UNC13C: variants seen among roughly 807,000 people sequenced by gnomAD.
UNC13C encodes unc-13 homolog C, also known as protein unc-13 homolog C.
A neutral mutation model predicts 245.4 loss-of-function variants in UNC13C; 174 were observed. The observed-to-expected ratio is 0.71, with a 90% CI of 0.63 to 0.80. The LOEUF is 0.80. Ranked by LOEUF, UNC13C falls within the 30% of genes least tolerant of loss-of-function variation. The pLI is 0.00. For synonymous variants in UNC13C, 992 were observed against 895.1 expected (o/e 1.11, Z -1.93); for missense variants, 2,829 against 2,602.9 (o/e 1.09, Z -1.89).
intron 14 of UNC13C, among the ~76,000 whole-genome samples, chr15:54,326,678 G>A (rs1050248238): frequency 1.3e-5 from 2 of 152,004 alleles, no homozygotes; most frequent in Admixed American, 1.3e-4. Flanking sequence ...GTGGAAGAGA[G>A]AAAACAGGCA....
chr15:54,111,151 C>G (rs920442638), intron 2 of UNC13C, among the ~76,000 whole-genome samples: 24 of 152,184 alleles, frequency 1.6e-4, no homozygotes, highest in African/African-American at 5.8e-4. Context: ...TGACTTTACT[C>G]TTGGAGAAAC....
chr15:54,268,140 AT>A (rs970111015), intron 10 of UNC13C, among the ~76,000 whole-genome samples: 71 of 147,142 alleles, frequency 4.8e-4, no homozygotes, highest in African/African-American at 1.0e-3. Flanking sequence ...ACTTTACTTA[AT>A]TTTTTTTTTC....
the UNC13C span, among the ~76,000 whole-genome samples, chr15:53,965,539 CTTATTTAT>C: frequency 0.15 from 21,034 of 144,630 alleles, 2,318 homozygotes; most frequent in African/African-American, 0.31. Flanking sequence ...TTTTTTTTCC[CTTATTTAT>C]TTATTTATTT....
intron 19 of UNC13C, among the ~76,000 whole-genome samples, chr15:54,447,133 T>G (rs7183106): frequency 0.4 from 60,912 of 151,964 alleles, 12,484 homozygotes; most frequent in East Asian, 0.63. Flanking sequence ...GCATCCCAGG[T>G]ATGAAGCCCA....
intron 10 of UNC13C, among the ~76,000 whole-genome samples, chr15:54,271,254 C>T (rs2036680837): frequency 6.6e-6 from 1 of 152,014 alleles, no homozygotes; most frequent in Admixed American, 6.6e-5. Flanking sequence ...TAAAATATCA[C>T]GTGAAGATTA....
intron 30 of UNC13C, among the ~76,000 whole-genome samples, chr15:54,605,647 T>C (rs1248347028): frequency 6.6e-6 from 1 of 152,144 alleles, no homozygotes; most frequent in Non-Finnish European, 1.5e-5. Context: ...GGGTGAGGAA[T>C]CATCCTAACC....
In UNC13C at chr15:54,013,358, G is replaced by A. The variant is rs748652266; in HGVS notation, c.455G>A (p.Arg152His). 2.0e-5 allele frequency: 32 copies of A among 1,613,714 alleles called. No individual in the cohort carries two copies. Among genetic ancestry groups the A allele is most frequent in the Admixed American group, 3.3e-5 (2 of 59,928 alleles). The change falls in exon 2 of 33, where the codon CGC (arginine) becomes CAC (histidine). Residue 152 changes from arginine to histidine, a missense_variant. Coordinates refer to ENST00000260323, the MANE Select transcript of UNC13C (RefSeq NM_001080534.3). The part of the protein sequence containing the change: ...AQSTHTMPVR[R>H]NRKSSSSLAP... Reference sequence around the variant, plus strand: ...TCAACACACACAATGCCAGTTAGACGCAACAGAAAGAGTTCAAGCAGCCTT... The same window carrying A: ...TCAACACACACAATGCCAGTTAGACACAACAGAAAGAGTTCAAGCAGCCTT...
intron 20 of UNC13C, among the ~76,000 whole-genome samples, chr15:54,495,296 G>T: frequency 6.6e-6 from 1 of 152,020 alleles, no homozygotes; most frequent in East Asian, 1.9e-4. Flanking sequence ...TCCAAGTGCT[G>T]TAGAGCAATA....
intron 18 of UNC13C, among the ~76,000 whole-genome samples, chr15:54,405,035 T>A (rs1276368450): frequency 6.6e-6 from 1 of 152,188 alleles, no homozygotes; most frequent in East Asian, 1.9e-4. Context: ...AATATTTTCC[T>A]GTCTGTCTCA....
chr15:54,411,865 A>C (rs2140945865), intron 18 of UNC13C, among the ~76,000 whole-genome samples: 1 of 152,290 alleles, frequency 6.6e-6, no homozygotes, highest in Admixed American at 6.5e-5. Context: ...ATTGCATTGA[A>C]TCTATGAATC....
chr15:54,221,937 G>T (rs1181103506), intron 4 of UNC13C, among the ~76,000 whole-genome samples: 1 of 151,880 alleles, frequency 6.6e-6, no homozygotes, highest in Non-Finnish European at 1.5e-5. Context: ...AGTTTTTTGG[G>T]AATTTTTGTT....
chr15:54,131,553 C>G (rs1444032423), intron 2 of UNC13C, among the ~76,000 whole-genome samples: 1 of 152,148 alleles, frequency 6.6e-6, no homozygotes, highest in Non-Finnish European at 1.5e-5. Context: ...CTTTGTCCTT[C>G]CCAGGACGTG....
intron 7 of UNC13C, 73 bp from the exon 8 acceptor site, chr15:54,250,152 G>A: frequency 7.2e-7 from 1 of 1,394,384 alleles, no homozygotes; most frequent in Non-Finnish European, 1.0e-6. Context: ...GTGATAAAAT[G>A]GTTTGTTTTA....
chr15:54,280,665 C>CATATATAAACATATATGTATGTAT (rs1266859759), intron 10 of UNC13C, among the ~76,000 whole-genome samples: 73 of 140,840 alleles, frequency 5.2e-4, no homozygotes, highest in South Asian at 1.8e-3. Flanking sequence ...TATGTATATA[C>CATATATAAACATATATGTATGTAT]ATACATATAC....
chr15:54,511,759 A>G lies in UNC13C; in HGVS notation c.5386A>G (p.Ile1796Val). The change falls in exon 24 of 33, where the codon ATC becomes GTC. Residue 1796 changes from isoleucine to valine, a missense_variant. Ile to Val is a conservative substitution (Grantham distance 29). Coordinates refer to ENST00000260323, the MANE Select transcript of UNC13C (RefSeq NM_001080534.3). ...SHCDKENVPC[I>V]LMNNIQQLRV... ...TTTTTTTCTATATTTAAAGCCCTGT[A>G]TCTTGATGAACAATATTCAACAATT... The G allele has an allele frequency of 4.4e-6, 7 of 1,605,844 alleles. No individual in the cohort carries two copies. Among genetic ancestry groups the G allele is most frequent in the Non-Finnish European group, 6.0e-6 (7 of 1,175,688 alleles).
At chr15:54,490,967 C>T (rs1893674808) in intron 19 of UNC13C, among the ~76,000 whole-genome samples, 1 of 152,120 alleles carries the variant, frequency 6.6e-6, no homozygotes, top group Non-Finnish European at 1.5e-5. Context: ...TCCAGGAGAC[C>T]ACAACATCCT....
intron 13 of UNC13C, among the ~76,000 whole-genome samples, chr15:54,313,670 A>G (rs2037932478): frequency 6.6e-6 from 1 of 151,854 alleles, no homozygotes; most frequent in Non-Finnish European, 1.5e-5. Flanking sequence ...AATAAGTCAA[A>G]CAAATCAATA....
intron 17 of UNC13C, among the ~76,000 whole-genome samples, chr15:54,383,675 T>C (rs1203589432): frequency 6.6e-6 from 1 of 151,982 alleles, no homozygotes; most frequent in Non-Finnish European, 1.5e-5. Context: ...GCCAGAGAAA[T>C]CAGGCAAGAA....
chr15:54,290,257 G>T (rs1241569397), intron 10 of UNC13C, among the ~76,000 whole-genome samples: 1 of 152,060 alleles, frequency 6.6e-6, no homozygotes, highest in African/African-American at 2.4e-5. Context: ...CGGGGAAAAA[G>T]TAGAACCAAT....
Sources: allele counts gnomAD v4.1 joint callset (sites outside exome capture counted in the v4.1 genomes callset), GRCh38; gene constraint gnomAD v4.1.1; transcripts MANE v1.5; gene names NCBI Gene and HGNC (gene_info 2026-07-23, HGNC 2026-07-21).